Variants in FAM168B observed in about 807,000 individuals in gnomAD.
The protein encoded by FAM168B is myelin-associated neurite-outgrowth inhibitor.
Under a neutral mutation model 21.8 loss-of-function variants are expected in FAM168B, and 19 were observed. The observed-to-expected ratio is 0.87, with a 90% confidence interval of 0.61 to 1.28. The LOEUF (loss-of-function observed/expected upper bound fraction) is 1.28, where lower values mean the gene tolerates loss of function less well. Among genes scored for constraint, FAM168B ranks in the 50% most tolerant of loss-of-function variants. The pLI is 0.00. For synonymous variants in FAM168B, 126 were observed against 104.8 expected (o/e 1.20, Z -1.24); for missense variants, 233 against 263.1 (o/e 0.89, Z 0.79).
At chr2:131,081,371 G>A (rs1275471126) in intron 2 of FAM168B, among the ~76,000 whole-genome samples, 1 of 152,192 alleles carries the variant, frequency 6.6e-6, no homozygotes, top group East Asian at 1.9e-4. Context: ...CCTGGGTTGT[G>A]AACATATGCC....
intron 2 of FAM168B, among the ~76,000 whole-genome samples, chr2:131,075,199 G>T (rs1386794275): frequency 2.0e-5 from 3 of 150,926 alleles, no homozygotes; most frequent in African/African-American, 7.3e-5. Flanking sequence ...AGCACAGGAA[G>T]ACCAAGAAAG....
At chr2:131,054,705 C>T (rs1253769265) in intron 5 of FAM168B, among the ~76,000 whole-genome samples, 2 of 152,094 alleles carry the variant, frequency 1.3e-5, no homozygotes, top group Non-Finnish European at 2.9e-5. Flanking sequence ...CAGATCAAAC[C>T]CCCAGGGCTT....
rs555168050 is a variant in FAM168B at position 131,050,027 on chromosome 2, A to G, written c.*2438T>C. ...CAGAAAGATTTCTGCACGGATGTGC[A>G]ATGCAAACTTATTTCATAAAGCCTC... On this transcript the variant is annotated 3_prime_UTR_variant, in exon 7 of 7. Transcript: ENST00000389915. 869 of 985,400 alleles carry G rather than the reference A, an allele frequency of 8.8e-4. 2 individuals carry two copies. Among genetic ancestry groups the G allele is most frequent in the Non-Finnish European group, 1.0e-3 (828 of 829,958 alleles). The allele number at this position is 985,400 out of a possible 1,614,324, so 61.0% of individuals were successfully genotyped here. A position where few individuals can be genotyped will look rare whatever the true frequency, so the allele number is the denominator to read the frequency against.
intron 1 of FAM168B, among the ~76,000 whole-genome samples, chr2:131,087,380 G>A (rs964521293): frequency 9.2e-5 from 14 of 152,008 alleles, no homozygotes; most frequent in Middle Eastern, 3.2e-3. Context: ...GCTGACGCAG[G>A]AGAATCACTT....
At chr2:131,062,129 T>C (rs1008700804) in intron 3 of FAM168B, among the ~76,000 whole-genome samples, 4 of 152,162 alleles carry the variant, frequency 2.6e-5, no homozygotes, top group Admixed American at 1.3e-4. Flanking sequence ...TTATCACTCT[T>C]CAAACTGCAG....
intron 1 of FAM168B, among the ~76,000 whole-genome samples, chr2:131,089,529 G>A (rs1033159543): frequency 7.2e-5 from 10 of 138,132 alleles, no homozygotes; most frequent in Non-Finnish European, 1.4e-4. Context: ...TCAGGAGATC[G>A]AGACCATCCT....
At chr2:131,088,882 A>G (rs1693852788) in intron 1 of FAM168B, among the ~76,000 whole-genome samples, 1 of 152,160 alleles carries the variant, frequency 6.6e-6, no homozygotes, top group Non-Finnish European at 1.5e-5. Flanking sequence ...TGCTACTAAA[A>G]TCTCCCTGCA....
chr2:131,075,564 G>A (rs544938284), intron 2 of FAM168B, among the ~76,000 whole-genome samples: 145 of 151,314 alleles, frequency 9.6e-4, no homozygotes, highest in Non-Finnish European at 1.6e-3. Flanking sequence ...GCGTGATCTC[G>A]GCTTACTGCA....
chr2:131,057,829 T>C (rs1369513104), intron 3 of FAM168B, among the ~76,000 whole-genome samples: 7 of 152,190 alleles, frequency 4.6e-5, no homozygotes, highest in Admixed American at 2.0e-4. Flanking sequence ...GTGTGTATTT[T>C]TTTTTTATTT....
In FAM168B at chr2:131,049,140, G is replaced by A. The variant is rs747822176; in HGVS notation, c.*3325C>T. The A allele has an allele frequency of 4.7e-5, 46 of 985,276 alleles. No individual in the cohort carries two copies. Among genetic ancestry groups the A allele is most frequent in the Admixed American group, 1.8e-4 (3 of 16,264 alleles). The allele number at this position is 985,276 out of a possible 1,614,324, so 61.0% of individuals were successfully genotyped here. ...CAACACTGACAGGTATTAGTACGTC[G>A]CAAGTTGCTGTAATAATGTATTTCC... On this transcript the variant is annotated 3_prime_UTR_variant, in exon 7 of 7. Transcript: ENST00000389915.
Position 131,054,322 on chromosome 2 carries a change from A to C in FAM168B, c.475+950T>G, listed in dbSNP as rs549710364. ...AATCTATTTTTCCTACAACTGCAGA[A>C]ACTCAACAACTACTTGAGTCCCTTT... On this transcript the variant is annotated intron_variant, in intron 5 of 6. Coordinates refer to ENST00000389915, the MANE Select transcript of FAM168B (RefSeq NM_001009993.4). Among the ~76,000 whole-genome samples, 36 of 152,140 alleles carry C rather than the reference A, an allele frequency of 2.4e-4. No homozygotes were observed. The South Asian group carries it at 7.3e-3, about 31-fold the overall frequency.
intron 3 of FAM168B, among the ~76,000 whole-genome samples, chr2:131,070,258 A>G (rs1692807079): frequency 6.6e-6 from 1 of 152,178 alleles, no homozygotes; most frequent in Admixed American, 6.5e-5. Flanking sequence ...ACTCTCAAAA[A>G]CTCAACGATA....
intron 3 of FAM168B, among the ~76,000 whole-genome samples, chr2:131,064,831 T>C (rs997731302): frequency 1.3e-5 from 2 of 152,098 alleles, no homozygotes; most frequent in African/African-American, 4.8e-5. Flanking sequence ...GCTTCAGAGA[T>C]CACCAGGAAA....
intron 3 of FAM168B, among the ~76,000 whole-genome samples, chr2:131,065,185 G>C (rs1446292136): frequency 6.6e-6 from 1 of 152,192 alleles, no homozygotes; most frequent in East Asian, 1.9e-4. Context: ...TCATGTGGAA[G>C]CACGGAAGGC....
At chr2:131,070,326 G>GC (rs1260500968) in intron 3 of FAM168B, among the ~76,000 whole-genome samples, 1 of 152,248 alleles carries the variant, frequency 6.6e-6, no homozygotes, top group Admixed American at 6.5e-5. Context: ...CATACAGAAG[G>GC]CAAATACGCA....
chr2:131,065,807 GAA>G (rs796177546), intron 3 of FAM168B, among the ~76,000 whole-genome samples: 1 of 94,850 alleles, frequency 1.1e-5, no homozygotes, highest in Non-Finnish European at 2.3e-5. Context: ...AAGAAAAAAA[GAA>G]AAAAAAAAAA....
At position 131,050,369 on chromosome 2, in the gene FAM168B, T is replaced by C. The variant is rs1335905258; in HGVS notation, c.*2096A>G. The C allele has an allele frequency of 1.0e-6, 1 of 985,628 alleles. No homozygotes were observed. Among genetic ancestry groups the C allele is most frequent in the African/African-American group, 1.7e-5 (1 of 57,254 alleles). The allele number at this position is 985,628 out of a possible 1,614,324, so 61.1% of individuals were successfully genotyped here. On this transcript the variant is annotated 3_prime_UTR_variant, in exon 7 of 7. Transcript: ENST00000389915. ...TTGGGAAAAAAGACTTCTCTGCTAC[T>C]TGGTCAGCTGAACCCCTGGAACCGT...
Position 131,050,260 on chromosome 2 carries a change from G to GT in FAM168B, c.*2204dup, listed in dbSNP as rs1691576801. The GT allele has an allele frequency of 1.0e-6, 1 of 985,274 alleles. No homozygotes were observed. The highest frequency in any genetic ancestry group is 4.7e-5 in the South Asian group (1 of 21,286). 61.0% of individuals were successfully genotyped at this position (985,274 alleles called of 1,614,324 possible). A position where few individuals can be genotyped will look rare whatever the true frequency, so the allele number is the denominator to read the frequency against. On this transcript the variant is annotated 3_prime_UTR_variant, in exon 7 of 7. Coordinates refer to ENST00000389915, the MANE Select transcript of FAM168B (RefSeq NM_001009993.4). ...TCCAGCCCTCACAGGAGTTGTACAT[G>GT]TATGTTTCCATTTTGTTGTGTGGGG...
At position 131,051,351 on chromosome 2, in the gene FAM168B, G is replaced by A. The variant is rs978154778; in HGVS notation, c.*1114C>T. On this transcript the variant is annotated 3_prime_UTR_variant, in exon 7 of 7. Transcript: ENST00000389915. ...AGAAATTGGAGGAATTTTAAATAAA[G>A]TTTTGTTCCCTTTTAACTCATTCTT... The A allele has an allele frequency of 1.0e-6, 1 of 985,198 alleles. No individual in the cohort carries two copies. Among genetic ancestry groups the A allele is most frequent in the Non-Finnish European group, 1.2e-6 (1 of 829,934 alleles). The allele number at this position is 985,198 out of a possible 1,614,324, so 61.0% of individuals were successfully genotyped here.
Sources: gnomAD v4.1 joint callset for allele counts (sites outside exome capture counted in the v4.1 genomes callset) on GRCh38, gnomAD v4.1.1 for gene constraint, MANE v1.5 for transcripts, NCBI Gene and HGNC (gene_info 2026-07-23, HGNC 2026-07-21) for gene names.